The following SENP6 variants were observed in gnomAD, a reference collection of about 807,000 sequenced individuals.
SENP6 encodes sentrin-specific protease 6.
Under a neutral mutation model 134.5 loss-of-function variants are expected in SENP6, and 41 were observed. That is an observed-to-expected ratio of 0.30 (90% CI 0.24 to 0.40). The LOEUF (loss-of-function observed/expected upper bound fraction) is 0.40, where lower values mean the gene tolerates loss of function less well. Among genes scored for constraint, SENP6 ranks in the 10% least tolerant of loss-of-function variants. The pLI, the probability that SENP6 is intolerant of heterozygous loss-of-function variation, is 1.00. For synonymous variants in SENP6, 395 were observed against 429.8 expected (o/e 0.92, Z 1.00); for missense variants, 1,248 against 1,312.5 (o/e 0.95, Z 0.76).
intron 5 of SENP6, chr6:75,635,150 C>T (rs1042756078): frequency 2.9e-6 from 1 of 344,192 alleles, no homozygotes; most frequent in Non-Finnish European, 5.7e-6. Flanking sequence ...AGTAAAATTA[C>T]AGTTAATACC....
chr6:75,715,690 A>G lies in SENP6; in HGVS notation c.*96A>G. On this transcript the variant is annotated 3_prime_UTR_variant, in exon 24 of 24. Coordinates refer to ENST00000447266, the MANE Select transcript of SENP6 (RefSeq NM_015571.4). ...GAACTGAAGTGCTCACTACTCAGTG[A>G]TTTGGAAATTTTGATGCTTGTATAA... The G allele has an allele frequency of 2.5e-6, 2 of 797,992 alleles. No individual in the cohort carries two copies. The highest frequency in any genetic ancestry group is 3.9e-6 in the Non-Finnish European group (2 of 510,954). 49.4% of individuals were successfully genotyped at this position (797,992 alleles called of 1,614,324 possible). A position where few individuals can be genotyped will look rare whatever the true frequency, so the allele number is the denominator to read the frequency against.
intron 9 of SENP6, among the ~76,000 whole-genome samples, chr6:75,664,563 C>A (rs573633760): frequency 6.6e-6 from 1 of 152,256 alleles, no homozygotes; most frequent in East Asian, 1.9e-4. Flanking sequence ...CCCCACCTCT[C>A]AAATGCTATA....
chr6:75,621,926 G>T (rs1456913806), intron 2 of SENP6, among the ~76,000 whole-genome samples: 1 of 152,116 alleles, frequency 6.6e-6, no homozygotes, highest in Non-Finnish European at 1.5e-5. Context: ...TTTTTAAAAA[G>T]GCATTCTGTT....
chr6:75,704,862 G>A (rs549525572), intron 19 of SENP6, among the ~76,000 whole-genome samples: 86 of 152,258 alleles, frequency 5.6e-4, no homozygotes, highest in African/African-American at 1.9e-3. Flanking sequence ...TAAACATTTT[G>A]TTAACAAAGC....
At chr6:75,613,123 AAAAAG>A (rs941976815) in intron 1 of SENP6, among the ~76,000 whole-genome samples, 2 of 151,754 alleles carry the variant, frequency 1.3e-5, no homozygotes, top group Non-Finnish European at 2.9e-5. Flanking sequence ...TTAAAAAAAA[AAAAAG>A]AAAAGAAAAC....
In SENP6 at chr6:75,677,307, A is replaced by G. The variant is rs555562484; in HGVS notation, c.1848+51A>G. The G allele has an allele frequency of 5.2e-5, 63 of 1,217,106 alleles. 1 individual carries two copies. In the African/African-American group the frequency reaches 5.8e-4, roughly 11 times the overall value. 75.4% of individuals were successfully genotyped at this position (1,217,106 alleles called of 1,614,324 possible). ...TATTCTTAAATTGTGGGTAGTTTTA[A>G]AGGGAAATATGTTTTATTTTAATAC... On this transcript the variant is annotated intron_variant, in intron 14 of 23. Transcript: ENST00000447266.
intron 1 of SENP6, chr6:75,610,948 T>C (rs1767399013): frequency 6.6e-6 from 1 of 152,238 alleles, no homozygotes; most frequent in Non-Finnish European, 1.5e-5. Flanking sequence ...AGTGCTGGCA[T>C]CCAATAGATG....
At chr6:75,713,368 AT>A (rs1000814950) in intron 21 of SENP6, 144 bp from the exon 22 acceptor site, 26 of 582,306 alleles carry the variant, frequency 4.5e-5, no homozygotes, top group South Asian at 8.1e-5. Context: ...TATAAGGTTC[AT>A]TTTTTTTCCC....
At chr6:75,705,383 A>G (rs1256783178) in intron 19 of SENP6, among the ~76,000 whole-genome samples, 1 of 151,922 alleles carries the variant, frequency 6.6e-6, no homozygotes, top group Non-Finnish European at 1.5e-5. Context: ...CATCTCTACT[A>G]AAAATACAAA....
chr6:75,659,310 A>G lies in SENP6; in HGVS notation c.599A>G (p.Glu200Gly). The change falls in exon 8 of 24, where the codon GAA becomes GGA. Residue 200 changes from glutamate to glycine, a missense_variant. Glu to Gly is a moderately conservative substitution (Grantham distance 98). Coordinates refer to ENST00000447266, the MANE Select transcript of SENP6 (RefSeq NM_015571.4). The part of the protein sequence containing the change: ...TEESESQVEP[E>G]IKRKVQQKRH... ...GAGTCCGAATCACAAGTGGAGCCTG[A>G]AATTAAGAGGAAAGTACAACAGAAA... The G allele has an allele frequency of 6.2e-7, 1 of 1,612,896 alleles. No individual in the cohort carries two copies. Among genetic ancestry groups the G allele is most frequent in the Non-Finnish European group, 8.5e-7 (1 of 1,179,018 alleles).
intron 19 of SENP6, among the ~76,000 whole-genome samples, chr6:75,708,124 G>C (rs1775526955): frequency 6.6e-6 from 1 of 152,130 alleles, no homozygotes; most frequent in South Asian, 2.1e-4. Flanking sequence ...CAGTGGCGCA[G>C]TCTTGGCTTA....
intron 16 of SENP6, among the ~76,000 whole-genome samples, chr6:75,695,421 AG>A (rs1352983094): frequency 6.6e-6 from 1 of 152,214 alleles, no homozygotes; most frequent in Non-Finnish European, 1.5e-5. Context: ...TAAAGAAAAA[AG>A]ATTTACTGAG....
intron 16 of SENP6, among the ~76,000 whole-genome samples, chr6:75,689,832 C>A (rs1489139826): frequency 6.6e-6 from 1 of 152,176 alleles, no homozygotes; most frequent in Non-Finnish European, 1.5e-5. Context: ...CGATGATGCA[C>A]AACTTCAAAT....
At chr6:75,681,550 C>A (rs1008817262) in intron 16 of SENP6, among the ~76,000 whole-genome samples, 4 of 151,784 alleles carry the variant, frequency 2.6e-5, no homozygotes, top group African/African-American at 7.3e-5. Flanking sequence ...CCTTTGCCTT[C>A]TACATTCAAG....
intron 19 of SENP6, among the ~76,000 whole-genome samples, chr6:75,703,961 T>G (rs908618982): frequency 6.6e-6 from 1 of 152,156 alleles, no homozygotes; most frequent in African/African-American, 2.4e-5. Flanking sequence ...TTAACAGTAG[T>G]TGTGCAGTCT....
chr6:75,699,090 CAT>C (rs776968080), intron 18 of SENP6, among the ~76,000 whole-genome samples: 7 of 151,058 alleles, frequency 4.6e-5, no homozygotes, highest in South Asian at 2.1e-4. Context: ...TGTAAAGTAA[CAT>C]GTGAACAGCT....
chr6:75,712,598 T>A (rs1562080823), intron 21 of SENP6, among the ~76,000 whole-genome samples: 1 of 152,146 alleles, frequency 6.6e-6, no homozygotes, highest in African/African-American at 2.4e-5. Flanking sequence ...GAGTTTGGGC[T>A]CTACATTAGA....
intron 6 of SENP6, 49 bp from the exon 7 acceptor site, chr6:75,647,682 G>C: frequency 7.5e-7 from 1 of 1,334,826 alleles, no homozygotes; most frequent in Non-Finnish European, 1.1e-6. Context: ...TTTTCATTTT[G>C]AAAACTGTAT....
intron 7 of SENP6, among the ~76,000 whole-genome samples, chr6:75,652,698 A>AAAAAAAAAAAAAAG (rs1554166656): frequency 1.4e-3 from 212 of 148,490 alleles, no homozygotes; most frequent in African/African-American, 5.1e-3. Context: ...AAAAAAAAAA[A>AAAAAAAAAAAAAAG]AAAAAGAAAA....
Sources: gnomAD v4.1 joint callset for allele counts (sites outside exome capture counted in the v4.1 genomes callset) on GRCh38, gnomAD v4.1.1 for gene constraint, MANE v1.5 for transcripts, NCBI Gene and HGNC (gene_info 2026-07-23, HGNC 2026-07-21) for gene names.